Variants in SRF observed in about 807,000 individuals in gnomAD.
The protein encoded by SRF is c-fos serum response element-binding transcription factor.
In SRF, 7 loss-of-function variants were observed where a neutral mutation model predicts 37.1. That is an observed-to-expected ratio of 0.19 (90% CI 0.11 to 0.35). SRF has a LOEUF of 0.35. Ranked by LOEUF, SRF falls within the 10% of genes least tolerant of loss-of-function variation. The probability of loss-of-function intolerance (pLI) is 1.00; values close to 1 mark genes in which losing one functional copy is unlikely to be tolerated. For missense variants in SRF, 395 were observed against 694.4 expected, an observed-to-expected ratio of 0.57 and a Z score of 4.85; for synonymous variants, 285 against 310.1, an observed-to-expected ratio of 0.92 and a Z score of 0.85.
Position 43,180,859 on chromosome 6 carries a change from T to C in SRF, c.*1669T>C, listed in dbSNP as rs970128553. 1.7e-4 allele frequency: 26 copies of C among 152,288 alleles called. No homozygotes were observed. The highest frequency in any genetic ancestry group is 6.3e-4 in the African/African-American group (26 of 41,456). The allele number at this position is 152,288 out of a possible 1,614,324, so 9.4% of individuals were successfully genotyped here. A position where few individuals can be genotyped will look rare whatever the true frequency, so the allele number is the denominator to read the frequency against. On this transcript the variant is annotated 3_prime_UTR_variant, in exon 7 of 7. Transcript: ENST00000265354. ...ACAGCCTAGTTATCAAGGGGATGAT[T>C]TGCCGACATGTTTGAGAACCCCCTA...
rs376007675 is a variant in SRF, at chr6:43,178,267, G to A, written c.1163-27G>A. On this transcript the variant is annotated intron_variant, in intron 4 of 6. Coordinates refer to ENST00000265354, the MANE Select transcript of SRF (RefSeq NM_003131.4). This position sits in a 1 kb window ranked among gnomAD's most constrained non-coding sequence, Gnocchi z 4.3. ...GGAGTTATCAGTGGGGACCAGTGCC[G>A]AGCTGACACATGTCTGTGTTTGCCA... 6.4e-5 allele frequency: 101 copies of A among 1,573,886 alleles called. No individual in the cohort carries two copies. The African/African-American group carries it at 8.1e-4, about 13-fold the overall frequency.
rs762509796 is a variant in SRF at position 43,178,472 on chromosome 6, G to C, written c.1341G>C (p.Gln447His). The C allele has an allele frequency of 6.2e-7, 1 of 1,613,446 alleles. No individual in the cohort carries two copies. The highest frequency in any genetic ancestry group is 1.1e-5 in the South Asian group (1 of 91,064). ...APSTMQVSHS[Q>H]VQEPGGVPQV... ...CCACCATGCAGGTGTCACACAGCCA[G>C]GTCCAGGAGCCAGGTGAGTAGAGGA... Residue 447 changes from glutamine to histidine, a missense_variant, in exon 5 of 7, where the codon CAG becomes CAC. By Grantham distance (24) the Gln-to-His change is conservative. This residue lies in a region of SRF where 232 missense variants were observed against 335.6 expected (regional missense o/e 0.69). Coordinates refer to ENST00000265354, the MANE Select transcript of SRF (RefSeq NM_003131.4). This position sits in a 1 kb window ranked among gnomAD's most constrained non-coding sequence, Gnocchi z 4.3.
rs1434981241 is a variant in SRF, at chr6:43,179,460, G to C, written c.*270G>C. 1 of 512,814 alleles carries C rather than the reference G, an allele frequency of 2.0e-6. No individual in the cohort carries two copies. Among genetic ancestry groups the C allele is most frequent in the Non-Finnish European group, 3.6e-6 (1 of 280,500 alleles). The allele number at this position is 512,814 out of a possible 1,614,324, so 31.8% of individuals were successfully genotyped here. A position where few individuals can be genotyped will look rare whatever the true frequency, so the allele number is the denominator to read the frequency against. ...CCTCCTTCCTGGGACCCCCTCGCCA[G>C]CTTGGCTCGATGTTTGCCATGAGTA... On this transcript the variant is annotated 3_prime_UTR_variant, in exon 7 of 7. Transcript: ENST00000265354. This position sits in a 1 kb window ranked among gnomAD's most constrained non-coding sequence, Gnocchi z 5.3.
In SRF at chr6:43,179,434, T is replaced by TC; in HGVS notation, c.*246dup. ...CCCATTTCTGTTGCTGGAGGGGCTG[T>TC]CCTCCTTCCTGGGACCCCCTCGCCA... On this transcript the variant is annotated 3_prime_UTR_variant, in exon 7 of 7. Transcript: ENST00000265354. This position sits in a 1 kb window ranked among gnomAD's most constrained non-coding sequence, Gnocchi z 5.3. 1.8e-6 allele frequency: 1 copy of TC among 558,502 alleles called. No homozygotes were observed. The highest frequency in any genetic ancestry group is 3.2e-6 in the Non-Finnish European group (1 of 309,836). The allele number at this position is 558,502 out of a possible 1,614,324, so 34.6% of individuals were successfully genotyped here.
chr6:43,176,908 G>T lies in SRF; in HGVS notation c.1162+241G>T, dbSNP rs752031527. On this transcript the variant is annotated intron_variant, in intron 4 of 6. Transcript: ENST00000265354. This position sits in a 1 kb window ranked among gnomAD's most constrained non-coding sequence, Gnocchi z 4.0. Reference sequence around the variant, plus strand: ...GACCATTGACCTACCTCCTCATTCAGATGAGGAGCCTGAGGCCTAGAAATA... The same window carrying T: ...GACCATTGACCTACCTCCTCATTCATATGAGGAGCCTGAGGCCTAGAAATA... Among the ~76,000 whole-genome samples, 1 of 152,156 alleles carries T rather than the reference G, an allele frequency of 6.6e-6. No homozygotes were observed. The highest frequency in any genetic ancestry group is 1.5e-5 in the Non-Finnish European group (1 of 68,016).
At position 43,172,193 on chromosome 6, in the gene SRF, GC is replaced by G; in HGVS notation, c.513+28del. ...AGGTACCAAGCCGGGGGGCTGGCCG[GC>G]CCCGGGGCCCGGTTGGGGTGGGGAT... On this transcript the variant is annotated intron_variant, in intron 1 of 6. Transcript: ENST00000265354. The surrounding 1 kb of genome is among the most constrained non-coding windows in gnomAD (Gnocchi z 5.7). 1.9e-6 allele frequency: 3 copies of G among 1,599,604 alleles called. No homozygotes were observed. Among genetic ancestry groups the G allele is most frequent in the Non-Finnish European group, 2.5e-6 (3 of 1,176,718 alleles).
In SRF at chr6:43,171,845, G is replaced by A. The variant is rs1266318110; in HGVS notation, c.189G>A (p.Ala63=). 2.4e-6 allele frequency: 3 copies of A among 1,262,288 alleles called. No individual in the cohort carries two copies. The East Asian group carries it at 9.5e-5, about 40-fold the overall frequency. 78.2% of individuals were successfully genotyped at this position (1,262,288 alleles called of 1,614,324 possible). ...GCCTGGAGCGGGAGGCTGCGGCAGC[G>A]GCGGCAACCACCCCGGCGCCCACCG... ...PGRLEREAAA[A]AATTPAPTAG... The change falls in exon 1 of 7, where the codon GCG becomes GCA. Residue 63 remains alanine, a synonymous_variant. Coordinates refer to ENST00000265354, the MANE Select transcript of SRF (RefSeq NM_003131.4). The surrounding 1 kb of genome is among the most constrained non-coding windows in gnomAD (Gnocchi z 6.5).
chr6:43,178,281 C>T lies in SRF; in HGVS notation c.1163-13C>T. On this transcript the variant is annotated splice_polypyrimidine_tract_variant and intron_variant, in intron 4 of 6. Transcript: ENST00000265354. This position sits in a 1 kb window ranked among gnomAD's most constrained non-coding sequence, Gnocchi z 4.3. ...GGACCAGTGCCGAGCTGACACATGT[C>T]TGTGTTTGCCAGTGACGCTGCCCGC... is the stretch of plus-strand genomic sequence containing the variant. 1 of 1,586,210 alleles carries T rather than the reference C, an allele frequency of 6.3e-7. No individual in the cohort carries two copies. The highest frequency in any genetic ancestry group is 1.3e-5 in the African/African-American group (1 of 74,626).
In SRF at chr6:43,178,453, T is replaced by C; in HGVS notation, c.1322T>C (p.Met441Thr). ...LNAFSQAPST[M>T]QVSHSQVQEP... is the part of the protein sequence containing the mutation. ...GCCTTCTCCCAGGCACCATCCACCA[T>C]GCAGGTGTCACACAGCCAGGTCCAG... Residue 441 changes from methionine to threonine, a missense_variant, in exon 5 of 7, where the codon ATG (methionine) becomes ACG (threonine). Physicochemically the swap from Met to Thr is moderately conservative, Grantham distance 81 (BLOSUM62 -1). Transcript: ENST00000265354. This position sits in a 1 kb window ranked among gnomAD's most constrained non-coding sequence, Gnocchi z 4.3. 6.2e-7 allele frequency: 1 copy of C among 1,613,952 alleles called. No homozygotes were observed. The highest frequency in any genetic ancestry group is 8.5e-7 in the Non-Finnish European group (1 of 1,179,924).
In SRF at chr6:43,171,378, C is replaced by T. The variant is rs892009945; in HGVS notation, c.-279C>T. ...TCTCGGCCGCGGCCAGCAGCCCCTGCCCCCCGGGGGACGCTGACGGCCGCC... is the reference window on the plus strand; with the variant it reads ...TCTCGGCCGCGGCCAGCAGCCCCTGTCCCCCGGGGGACGCTGACGGCCGCC... On this transcript the variant is annotated 5_prime_UTR_variant, in exon 1 of 7. Coordinates refer to ENST00000265354, the MANE Select transcript of SRF (RefSeq NM_003131.4). The surrounding 1 kb of genome is among the most constrained non-coding windows in gnomAD (Gnocchi z 6.5). 1.3e-4 allele frequency: 28 copies of T among 214,106 alleles called. No homozygotes were observed. Among genetic ancestry groups the T allele is most frequent in the African/African-American group, 9.3e-5 (4 of 43,070 alleles). The allele number at this position is 214,106 out of a possible 1,614,324, so 13.3% of individuals were successfully genotyped here.
chr6:43,174,595 C>G (rs909916196), intron 2 of SRF, among the ~76,000 whole-genome samples: 2 of 152,230 alleles, frequency 1.3e-5, no homozygotes, highest in African/African-American at 2.4e-5. Flanking sequence ...TTAGGGAGCG[C>G]ATTTGCCTGC....
rs1772190417 is a variant in SRF, at chr6:43,175,957, C to G, written c.1032C>G (p.Thr344=). The change falls in exon 3 of 7, where the codon ACC becomes ACG. Residue 344 remains threonine (T), a synonymous_variant. Transcript: ENST00000265354. ...TTATGCAGCTGCCTACCAGCTTCAC[C>G]CTCATGCCTGGTGAGTCACGAGGGG... ...GGLMQLPTSF[T]LMPGGAVAQQ... 6.2e-7 allele frequency: 1 copy of G among 1,612,138 alleles called. No individual in the cohort carries two copies. Among genetic ancestry groups the G allele is most frequent in the South Asian group, 1.1e-5 (1 of 91,072 alleles).
intron 2 of SRF, 144 bp downstream of exon 2, chr6:43,174,257 C>A: frequency 8.8e-7 from 1 of 1,132,374 alleles, no homozygotes; most frequent in Non-Finnish European, 1.2e-6. Context: ...TGTCCATCCT[C>A]ACTTTCCTGA....
At position 43,171,811 on chromosome 6, in the gene SRF, G is replaced by T; in HGVS notation, c.155G>T (p.Gly52Val). 1 of 1,232,032 alleles carries T rather than the reference G, an allele frequency of 8.1e-7. No homozygotes were observed. Among genetic ancestry groups the T allele is most frequent in the Non-Finnish European group, 1.0e-6 (1 of 988,418 alleles). 76.3% of individuals were successfully genotyped at this position (1,232,032 alleles called of 1,614,324 possible). Reference protein sequence around the residue: ...GRVPGNGAGLGPGRLEREAAA... With the variant: ...GRVPGNGAGLVPGRLEREAAA... Reference sequence around the variant, plus strand: ...GTCCCCGGGAATGGCGCGGGGCTCGGGCCCGGCCGCCTGGAGCGGGAGGCT... The same window carrying T: ...GTCCCCGGGAATGGCGCGGGGCTCGTGCCCGGCCGCCTGGAGCGGGAGGCT... Residue 52 changes from glycine (G) to valine (V), a missense_variant, in exon 1 of 7, where the codon GGG becomes GTG. By Grantham distance (109) the Gly-to-Val change is moderately radical. Around this residue, in one of 4 missense-constraint regions of SRF, gnomAD observed 134 missense variants for 204.5 expected, o/e 0.66. Coordinates refer to ENST00000265354, the MANE Select transcript of SRF (RefSeq NM_003131.4). The surrounding 1 kb of genome is among the most constrained non-coding windows in gnomAD (Gnocchi z 6.5).
chr6:43,175,830 A>C lies in SRF; in HGVS notation c.905A>C (p.Tyr302Ser). The change falls in exon 3 of 7, where the codon TAC becomes TCC. Residue 302 changes from tyrosine to serine, a missense_variant. Coordinates refer to ENST00000265354, the MANE Select transcript of SRF (RefSeq NM_003131.4). ...GGCCCCTCCTTTCCCATCACCAACT[A>C]CCTGGCACCAGTGTCTGCTAGTGTC... ...SSGPSFPITN[Y>S]LAPVSASVSP... is the part of the protein sequence containing the mutation. 1 of 1,613,966 alleles carries C rather than the reference A, an allele frequency of 6.2e-7. No homozygotes were observed. The highest frequency in any genetic ancestry group is 8.5e-7 in the Non-Finnish European group (1 of 1,179,978).
chr6:43,171,987 G>C lies in SRF; in HGVS notation c.331G>C (p.Val111Leu), dbSNP rs778641767. The C allele has an allele frequency of 4.5e-6, 7 of 1,560,514 alleles. No individual in the cohort carries two copies. The Admixed American group carries it at 7.9e-5, about 18-fold the overall frequency. ...SLSEMEIGMVVGGPEASAAAT... is the reference protein window; with the variant it reads ...SLSEMEIGMVLGGPEASAAAT... ...GAGCGAGATGGAGATCGGTATGGTG[G>C]TCGGTGGGCCCGAGGCGTCGGCAGC... The change falls in exon 1 of 7, where the codon GTC (valine) becomes CTC (leucine). Residue 111 changes from valine to leucine, a missense_variant. Around this residue, in one of 4 missense-constraint regions of SRF, gnomAD observed 134 missense variants for 204.5 expected, o/e 0.66. Coordinates refer to ENST00000265354, the MANE Select transcript of SRF (RefSeq NM_003131.4). The surrounding 1 kb of genome is among the most constrained non-coding windows in gnomAD (Gnocchi z 6.5).
chr6:43,179,048 C>A lies in SRF; in HGVS notation c.1432-47C>A, dbSNP rs758834986. The A allele has an allele frequency of 6.2e-7, 1 of 1,606,730 alleles. No homozygotes were observed. The highest frequency in any genetic ancestry group is 8.5e-7 in the Non-Finnish European group (1 of 1,174,014). On this transcript the variant is annotated intron_variant, in intron 6 of 6. Transcript: ENST00000265354. This position sits in a 1 kb window ranked among gnomAD's most constrained non-coding sequence, Gnocchi z 5.3. ...GGCAGGGAAGCCAGGGGAGCCTGAA[C>A]TGGCTGGCCAGTCCCTGCCCCTCCT... is the stretch of plus-strand genomic sequence containing the variant.
rs200924365 is a variant in SRF at position 43,175,912 on chromosome 6, C to A, written c.987C>A (p.Gly329=). The A allele has an allele frequency of 6.2e-7, 1 of 1,614,042 alleles. No individual in the cohort carries two copies. The highest frequency in any genetic ancestry group is 1.7e-5 in the Admixed American group (1 of 59,996). The change falls in exon 3 of 7, where the codon GGC becomes GGA. Residue 329 remains glycine (G), a synonymous_variant. Coordinates refer to ENST00000265354, the MANE Select transcript of SRF (RefSeq NM_003131.4). Reference sequence around the variant, plus strand: ...CTGTGCTGAAGAGTACAGGCAGCGGCCCTGTCTCCTCTGGGGGCCTTATGC... The same window carrying A: ...CTGTGCTGAAGAGTACAGGCAGCGGACCTGTCTCCTCTGGGGGCCTTATGC... ...NGTVLKSTGS[G]PVSSGGLMQL...
At position 43,178,567 on chromosome 6, in the gene SRF, G is replaced by A; in HGVS notation, c.1354+82G>A. On this transcript the variant is annotated intron_variant, in intron 5 of 6. Transcript: ENST00000265354. This position sits in a 1 kb window ranked among gnomAD's most constrained non-coding sequence, Gnocchi z 4.3. ...CACACACACACATACACACACATATGCACTGATGCCTACAAATATTTCTAC... is the reference window on the plus strand; with the variant it reads ...CACACACACACATACACACACATATACACTGATGCCTACAAATATTTCTAC... 2.0e-6 allele frequency: 3 copies of A among 1,468,952 alleles called. No homozygotes were observed. Among genetic ancestry groups the A allele is most frequent in the Non-Finnish European group, 1.9e-6 (2 of 1,073,610 alleles). 91.0% of individuals were successfully genotyped at this position (1,468,952 alleles called of 1,614,324 possible). A position where few individuals can be genotyped will look rare whatever the true frequency, so the allele number is the denominator to read the frequency against.
Sources: allele counts gnomAD v4.1 joint callset (sites outside exome capture counted in the v4.1 genomes callset), GRCh38; gene constraint gnomAD v4.1.1; regional missense constraint gnomAD v4.1.1; non-coding constraint Gnocchi (gnomAD v3.1); transcripts MANE v1.5; gene names NCBI Gene and HGNC (gene_info 2026-07-23, HGNC 2026-07-21).